The following ADAMTS2 variants were observed in gnomAD, a reference collection of about 807,000 sequenced individuals.
ADAMTS2 encodes A disintegrin and metalloproteinase with thrombospondin motifs 2.
Under a neutral mutation model 123.0 loss-of-function variants are expected in ADAMTS2, and 50 were observed. The ratio of observed to expected loss-of-function variants is 0.41; its 90% CI spans 0.32 to 0.51. The LOEUF is 0.51. Among genes scored for constraint, ADAMTS2 ranks in the 20% least tolerant of loss-of-function variants. The pLI, the probability that ADAMTS2 is intolerant of heterozygous loss-of-function variation, is 0.35. For missense variants in ADAMTS2, 1,494 were observed against 1,705.2 expected (o/e 0.88, Z 2.18); for synonymous variants, 678 against 695.4 (o/e 0.98, Z 0.39).
intron 2 of ADAMTS2, among the ~76,000 whole-genome samples, chr5:179,276,084 G>A (rs541860072): frequency 1.8e-4 from 27 of 152,242 alleles, no homozygotes; most frequent in South Asian, 6.2e-4. Context: ...CAGGCCCCAC[G>A]CTTCTGACTC....
rs188450929 is a variant in ADAMTS2, at chr5:179,290,575, G to A, written c.535-17511C>T. Among the ~76,000 whole-genome samples, 868 of 152,350 alleles carry A rather than the reference G, an allele frequency of 5.7e-3. 6 individuals carry two copies. Among genetic ancestry groups the A allele is most frequent in the Non-Finnish European group, 9.6e-3 (653 of 68,036 alleles). ...TTGCATACGGAGGAAGCTGGGTGAA[G>A]GGCACAGAGGAAATCTATGCTATTT... On this transcript the variant is annotated intron_variant, in intron 2 of 21. Coordinates refer to ENST00000251582, the MANE Select transcript of ADAMTS2 (RefSeq NM_014244.5).
intron 2 of ADAMTS2, among the ~76,000 whole-genome samples, chr5:179,311,933 T>C (rs1421573899): frequency 6.6e-6 from 1 of 152,204 alleles, no homozygotes; most frequent in African/African-American, 2.4e-5. Flanking sequence ...ATTTTTCATT[T>C]AACAACACTC....
At chr5:179,136,624 C>T (rs1395918214) in intron 12 of ADAMTS2, among the ~76,000 whole-genome samples, 2 of 148,982 alleles carry the variant, frequency 1.3e-5, no homozygotes, top group Non-Finnish European at 3.0e-5. Flanking sequence ...AAGACTGCGC[C>T]ACTGCACACT....
At chr5:179,271,391 C>G (rs957320632) in intron 3 of ADAMTS2, among the ~76,000 whole-genome samples, 13 of 152,214 alleles carry the variant, frequency 8.5e-5, no homozygotes, top group Admixed American at 6.5e-5. Flanking sequence ...ACCAAGCCCA[C>G]AGCACAAGTG....
chr5:179,294,525 C>T (rs1381195730), intron 2 of ADAMTS2, among the ~76,000 whole-genome samples: 1 of 152,218 alleles, frequency 6.6e-6, no homozygotes, highest in Non-Finnish European at 1.5e-5. Context: ...GTCTGACCCA[C>T]CCACGTGGCC....
intron 2 of ADAMTS2, among the ~76,000 whole-genome samples, chr5:179,323,519 T>G (rs777111817): frequency 5.9e-5 from 9 of 152,238 alleles, no homozygotes; most frequent in Non-Finnish European, 1.3e-4. Context: ...GACCTGTCAC[T>G]GCCCTGTGGG....
intron 21 of ADAMTS2, among the ~76,000 whole-genome samples, chr5:179,119,784 T>C (rs1762721759): frequency 6.6e-6 from 1 of 152,148 alleles, no homozygotes; most frequent in South Asian, 2.1e-4. Context: ...ACTAGCAATG[T>C]CTGGGCTACT....
intron 3 of ADAMTS2, among the ~76,000 whole-genome samples, chr5:179,244,663 A>G (rs1224369489): frequency 6.6e-6 from 1 of 152,202 alleles, no homozygotes; most frequent in Non-Finnish European, 1.5e-5. Context: ...AAGCAATAAT[A>G]TAGAAGAAGA....
rs1342781405 is a variant in ADAMTS2, at chr5:179,345,281, C to G, written c.48G>C (p.Leu16=). 1.7e-6 allele frequency: 2 copies of G among 1,154,890 alleles called. No individual in the cohort carries two copies. The allele number at this position is 1,154,890 out of a possible 1,614,324, so 71.5% of individuals were successfully genotyped here. A position where few individuals can be genotyped will look rare whatever the true frequency, so the allele number is the denominator to read the frequency against. Residue 16 remains leucine (L), a synonymous_variant, in exon 1 of 22, where the codon CTG becomes CTC. Coordinates refer to ENST00000251582, the MANE Select transcript of ADAMTS2 (RefSeq NM_014244.5). The surrounding 1 kb of genome is among the most constrained non-coding windows in gnomAD (Gnocchi z 7.5). ...GCGGCAGCAGCAGCAGCAGCAGCAG[C>G]AGCGCGGGGCAGAGCAGGCGGCGAG... ...GAARRLLCPA[L]LLLLLLLPPP...
chr5:179,165,825 G>A (rs1387319526), intron 5 of ADAMTS2, among the ~76,000 whole-genome samples: 1 of 152,192 alleles, frequency 6.6e-6, no homozygotes, highest in African/African-American at 2.4e-5. Context: ...GAGCCAGGCG[G>A]GAGAAGCCTG....
rs140393316 is a variant in ADAMTS2 at position 179,251,377 on chromosome 5, A to G, written c.688+21534T>C. On this transcript the variant is annotated intron_variant, in intron 3 of 21. Coordinates refer to ENST00000251582, the MANE Select transcript of ADAMTS2 (RefSeq NM_014244.5). Reference sequence around the variant, plus strand: ...GACCCAATGTAGAAATTACTCTGCCACCAAAAAAGCAGGCCTCAGACCCCC... The same window carrying G: ...GACCCAATGTAGAAATTACTCTGCCGCCAAAAAAGCAGGCCTCAGACCCCC... Among the ~76,000 whole-genome samples, 861 of 152,256 alleles carry G rather than the reference A, an allele frequency of 5.7e-3. 12 individuals are homozygous for G. The highest frequency in any genetic ancestry group is 0.02 in the African/African-American group (823 of 41,526).
rs968288725 is a variant in ADAMTS2 at position 179,181,591 on chromosome 5, T to C, written c.892-436A>G. Reference sequence around the variant, plus strand: ...AGCTATAGCTGGTGGGTGTGGGGATTACCTACCTGCATCGCTACTTGGAAA... The same window carrying C: ...AGCTATAGCTGGTGGGTGTGGGGATCACCTACCTGCATCGCTACTTGGAAA... On this transcript the variant is annotated intron_variant, in intron 4 of 21. Coordinates refer to ENST00000251582, the MANE Select transcript of ADAMTS2 (RefSeq NM_014244.5). This position sits in a 1 kb window ranked among gnomAD's most constrained non-coding sequence, Gnocchi z 4.1. 3.3e-5 allele frequency among the ~76,000 whole-genome samples: 5 copies of C among 152,140 alleles called. No homozygotes were observed. Among genetic ancestry groups the C allele is most frequent in the African/African-American group, 9.7e-5 (4 of 41,428 alleles).
Position 179,129,221 on chromosome 5 carries a change from G to A in ADAMTS2, c.2457+711C>T, listed in dbSNP as rs983045381. Among the ~76,000 whole-genome samples the A allele has an allele frequency of 2.0e-5, 3 of 152,178 alleles. No homozygotes were observed. Among genetic ancestry groups the A allele is most frequent in the Non-Finnish European group, 2.9e-5 (2 of 68,044 alleles). ...GAAGTCACTGCAGGCGAGGCAGGCA[G>A]GGTGCCAGGGGGTACACGGGGCATA... On this transcript the variant is annotated intron_variant, in intron 16 of 21. Coordinates refer to ENST00000251582, the MANE Select transcript of ADAMTS2 (RefSeq NM_014244.5). This position sits in a 1 kb window ranked among gnomAD's most constrained non-coding sequence, Gnocchi z 4.1.
At chr5:179,341,091 C>G (rs1757758756) in intron 2 of ADAMTS2, among the ~76,000 whole-genome samples, 1 of 152,192 alleles carries the variant, frequency 6.6e-6, no homozygotes, top group African/African-American at 2.4e-5. Context: ...GGATGAGATG[C>G]CTCCCCGACC....
At chr5:179,208,241 C>T (rs940790198) in intron 3 of ADAMTS2, among the ~76,000 whole-genome samples, 5 of 118,226 alleles carry the variant, frequency 4.2e-5, no homozygotes, top group African/African-American at 1.4e-4. Flanking sequence ...CAGGTGTCAT[C>T]GCCAGCTGTT....
At chr5:179,207,485 A>ACCCC in intron 4 of ADAMTS2, 28 bp downstream of exon 4, 1 of 587,012 alleles carries the variant, frequency 1.7e-6, no homozygotes, top group Admixed American at 3.1e-5. Flanking sequence ...TCCCCGCCCC[A>ACCCC]CCCTGCCCCC....
In ADAMTS2 at chr5:179,181,990, C is replaced by T. The variant is rs1424401095; in HGVS notation, c.892-835G>A. Among the ~76,000 whole-genome samples the T allele has an allele frequency of 7.2e-5, 11 of 152,154 alleles. No individual in the cohort carries two copies. The highest frequency in any genetic ancestry group is 2.0e-4 in the Admixed American group (3 of 15,274). ...GAGCCCCCACCCTCCAGCTTCCCAC[C>T]GCACACACCCAGGGCCCTCCCTAGC... is the stretch of plus-strand genomic sequence containing the variant. On this transcript the variant is annotated intron_variant, in intron 4 of 21. Transcript: ENST00000251582. The surrounding 1 kb of genome is among the most constrained non-coding windows in gnomAD (Gnocchi z 4.1).
At chr5:179,322,316 C>A (rs963016491) in intron 2 of ADAMTS2, among the ~76,000 whole-genome samples, 15 of 152,182 alleles carry the variant, frequency 9.9e-5, no homozygotes, top group African/African-American at 3.6e-4. Context: ...ACGGCCCGTG[C>A]CTTCTTTGAA....
chr5:179,131,305 T>TC (rs1367779420), intron 15 of ADAMTS2, among the ~76,000 whole-genome samples: 391 of 25,420 alleles, frequency 0.015, 2 homozygotes, highest in African/African-American at 0.058. Flanking sequence ...AGAGCGAGAC[T>TC]CAAAAAAAAA....
Sources: allele counts gnomAD v4.1 joint callset (sites outside exome capture counted in the v4.1 genomes callset), GRCh38; gene constraint gnomAD v4.1.1; non-coding constraint Gnocchi (gnomAD v3.1); transcripts MANE v1.5; gene names NCBI Gene and HGNC (gene_info 2026-07-23, HGNC 2026-07-21).